The following SGK3 variants were observed in gnomAD, a reference collection of about 807,000 sequenced individuals.
SGK3 encodes serum/glucocorticoid regulated kinase family member 3.
In SGK3, 47 loss-of-function variants were observed where a neutral mutation model predicts 68.5. The observed-to-expected ratio is 0.69, with a 90% CI of 0.54 to 0.87. The LOEUF (loss-of-function observed/expected upper bound fraction) is 0.87. Among genes scored for constraint, SGK3 ranks in the 40% least tolerant of loss-of-function variants. SGK3 has a pLI of 0.00. For missense variants in SGK3, 479 were observed against 575.5 expected (o/e 0.83, Z 1.72); for synonymous variants, 181 against 189.1 (o/e 0.96, Z 0.35).
Position 66,843,514 on chromosome 8 carries a change from T to G in SGK3, c.1041T>G (p.Leu347=), listed in dbSNP as rs1422546526. Residue 347 remains leucine (L), a synonymous_variant, in exon 14 of 17, where the codon CTT becomes CTG. Transcript: ENST00000521198. ...ACAATACTGTAGATTGGTGGTGCCT[T>G]GGGGCTGTTCTGTATGAAATGCTGT... ...PYDNTVDWWC[L]GAVLYEMLYG... 6.2e-7 allele frequency: 1 copy of G among 1,614,020 alleles called. No individual in the cohort carries two copies. The highest frequency in any genetic ancestry group is 2.2e-5 in the East Asian group (1 of 44,866).
chr8:66,828,508 C>G (rs1032930406), intron 6 of SGK3, 146 bp from the exon 7 acceptor site: 37 of 979,090 alleles, frequency 3.8e-5, no homozygotes, highest in Non-Finnish European at 5.1e-5. Flanking sequence ...AAGTCTATAC[C>G]CTTACTGAGA....
At chr8:66,837,779 G>A (rs766660382) in intron 10 of SGK3, among the ~76,000 whole-genome samples, 13 of 151,872 alleles carry the variant, frequency 8.6e-5, no homozygotes, top group Non-Finnish European at 1.8e-4. Context: ...ACAAGACCCT[G>A]TGTCAAAAAA....
chr8:66,745,074 A>G (rs1018413736), intron 1 of SGK3, among the ~76,000 whole-genome samples: 2 of 151,828 alleles, frequency 1.3e-5, no homozygotes, highest in African/African-American at 4.8e-5. Flanking sequence ...TATACCTTCT[A>G]TCTCTATGAA....
At chr8:66,749,356 A>G (rs938020654) in intron 1 of SGK3, among the ~76,000 whole-genome samples, 1 of 150,716 alleles carries the variant, frequency 6.6e-6, no homozygotes, top group East Asian at 1.9e-4. Flanking sequence ...TACCCACTAC[A>G]CTCCAGTCTG....
At chr8:66,855,498 CA>C (rs1364477351) in intron 16 of SGK3, among the ~76,000 whole-genome samples, 1 of 152,056 alleles carries the variant, frequency 6.6e-6, no homozygotes, top group Non-Finnish European at 1.5e-5. Context: ...CCACCGCACC[CA>C]ACCGACTACA....
Position 66,719,811 on chromosome 8 carries a change from G to T in SGK3, c.-122+6978G>T, listed in dbSNP as rs139444730. On this transcript the variant is annotated intron_variant, in intron 1 of 16. Transcript: ENST00000521198. ...GTAATACTTTTTTGGACAAATAAAAGAAGAAATAGAGAAAATAAGAATTAC... is the reference window on the plus strand; with the variant it reads ...GTAATACTTTTTTGGACAAATAAAATAAGAAATAGAGAAAATAAGAATTAC... Among the ~76,000 whole-genome samples the T allele has an allele frequency of 2.0e-5, 3 of 152,240 alleles. No individual in the cohort carries two copies. The East Asian group carries it at 5.8e-4, about 29-fold the overall frequency.
At position 66,836,770 on chromosome 8, in the gene SGK3, T is replaced by C. The variant is rs141452195; in HGVS notation, c.741+696T>C. On this transcript the variant is annotated intron_variant, in intron 10 of 16. Coordinates refer to ENST00000521198, the MANE Select transcript of SGK3 (RefSeq NM_001033578.3). ...TTCTGCCTTAAACAAAGTCAGGATA[T>C]CTTTTTTTTTTTTTTTTTTTTTTTG... Among the ~76,000 whole-genome samples the C allele has an allele frequency of 6.9e-3, 1,022 of 148,314 alleles. 5 individuals carry two copies. Among genetic ancestry groups the C allele is most frequent in the African/African-American group, 0.019 (761 of 40,054 alleles).
intron 1 of SGK3, among the ~76,000 whole-genome samples, chr8:66,723,405 T>C (rs1008659261): frequency 7.3e-5 from 11 of 151,056 alleles, no homozygotes; most frequent in Non-Finnish European, 1.5e-4. Flanking sequence ...GATCACGCCA[T>C]TGCACTCCAG....
At chr8:66,830,576 G>A (rs984815041) in intron 7 of SGK3, among the ~76,000 whole-genome samples, 15 of 152,178 alleles carry the variant, frequency 9.9e-5, no homozygotes, top group African/African-American at 3.1e-4. Context: ...TTCTGCTGCC[G>A]TGTGTTTTTG....
intron 5 of SGK3, among the ~76,000 whole-genome samples, chr8:66,819,983 A>C (rs968837960): frequency 1.3e-5 from 2 of 151,912 alleles, no homozygotes; most frequent in African/African-American, 4.8e-5. Flanking sequence ...ACATCCGGCT[A>C]ACTTTTGTAT....
intron 1 of SGK3, among the ~76,000 whole-genome samples, chr8:66,723,104 TA>T (rs1804851847): frequency 8.8e-5 from 3 of 34,282 alleles, no homozygotes; most frequent in Admixed American, 3.0e-4. Flanking sequence ...TATATATATA[TA>T]TATATATATA....
intron 16 of SGK3, among the ~76,000 whole-genome samples, chr8:66,857,419 A>G (rs1382142869): frequency 6.6e-6 from 1 of 152,164 alleles, no homozygotes; most frequent in Non-Finnish European, 1.5e-5. Context: ...GTAGAGCAGA[A>G]ATAACCTAGA....
intron 1 of SGK3, among the ~76,000 whole-genome samples, chr8:66,760,614 G>A (rs368020801): frequency 8.6e-5 from 13 of 152,008 alleles, no homozygotes; most frequent in Admixed American, 6.6e-4. Context: ...GATTACAGGC[G>A]TGAGTCACTG....
chr8:66,746,743 TA>T (rs1404243184), intron 1 of SGK3, among the ~76,000 whole-genome samples: 4 of 152,056 alleles, frequency 2.6e-5, no homozygotes, highest in African/African-American at 9.7e-5. Context: ...TTTTTTTTTT[TA>T]GAGACCAGGT....
chr8:66,715,559 TTCTTA>T lies in SGK3; in HGVS notation c.-122+2731_-122+2735del, dbSNP rs538655688. ...TGAGCCACCGTGCCTGGCCACAGCT[TTCTTA>T]TCTTTCTAAACTACTTAGATTTATG... is the stretch of plus-strand genomic sequence containing the variant. On this transcript the variant is annotated intron_variant, in intron 1 of 16. Transcript: ENST00000521198. Among the ~76,000 whole-genome samples the T allele has an allele frequency of 1.4e-4, 22 of 152,328 alleles. No homozygotes were observed. In the East Asian group the frequency reaches 3.3e-3, roughly 23 times the overall value.
intron 2 of SGK3, among the ~76,000 whole-genome samples, chr8:66,798,010 CTT>C (rs71561301): frequency 6.9e-6 from 1 of 145,446 alleles, no homozygotes; most frequent in African/African-American, 2.5e-5. Flanking sequence ...CAAGAAACCA[CTT>C]TTTTTTTTTT....
intron 3 of SGK3, among the ~76,000 whole-genome samples, chr8:66,803,110 A>C (rs1254033124): frequency 6.6e-6 from 1 of 152,200 alleles, no homozygotes; most frequent in Non-Finnish European, 1.5e-5. Flanking sequence ...TAAGTCTGTT[A>C]AGTGTCATTT....
chr8:66,836,952 G>A (rs1809561910), intron 10 of SGK3, among the ~76,000 whole-genome samples: 1 of 151,698 alleles, frequency 6.6e-6, no homozygotes, highest in Non-Finnish European at 1.5e-5. Context: ...ACAAAACTCT[G>A]ATTCAGATGG....
chr8:66,847,452 GAGAA>G, intron 15 of SGK3, 104 bp downstream of exon 15: 2 of 1,475,954 alleles, frequency 1.4e-6, no homozygotes, highest in Non-Finnish European at 1.8e-6. Flanking sequence ...ACAATATGCG[GAGAA>G]TAGCAACATG....
Sources: gnomAD v4.1 joint callset for allele counts (sites outside exome capture counted in the v4.1 genomes callset) on GRCh38, gnomAD v4.1.1 for gene constraint, MANE v1.5 for transcripts, NCBI Gene and HGNC (gene_info 2026-07-23, HGNC 2026-07-21) for gene names.